Variants in RORA observed in about 807,000 individuals in gnomAD.
RORA encodes the protein RAR related orphan receptor A, also known as nuclear receptor ROR-alpha.
In RORA, 7 loss-of-function variants were observed where a neutral mutation model predicts 69.5. That is an observed-to-expected ratio of 0.10 (90% CI 0.06 to 0.19). The LOEUF (loss-of-function observed/expected upper bound fraction) is 0.19, where lower values mean the gene tolerates loss of function less well. RORA is among the 10% of genes least tolerant of loss of function. The pLI is 1.00. For missense variants in RORA, 457 were observed against 663.0 expected (o/e 0.69, Z 3.41); for synonymous variants, 261 against 240.8 (o/e 1.08, Z -0.78).
At chr15:60,641,234 G>A (rs1371064397) in intron 2 of RORA, among the ~76,000 whole-genome samples, 2 of 152,162 alleles carry the variant, frequency 1.3e-5, no homozygotes, top group Non-Finnish European at 2.9e-5. Context: ...TTACAGGCAA[G>A]AGCCACCACA....
chr15:60,723,559 A>G (rs2071319754), intron 1 of RORA, among the ~76,000 whole-genome samples: 1 of 152,184 alleles, frequency 6.6e-6, no homozygotes. Flanking sequence ...CCCCCTAAAT[A>G]AAATAAACAA....
intron 1 of RORA, among the ~76,000 whole-genome samples, chr15:61,142,178 T>C (rs1023051791): frequency 6.6e-6 from 1 of 152,116 alleles, no homozygotes; most frequent in Non-Finnish European, 1.5e-5. Context: ...ACCCTGAATA[T>C]CTCTAGGATT....
At chr15:60,703,700 T>C (rs1266451260) in intron 1 of RORA, among the ~76,000 whole-genome samples, 1 of 152,168 alleles carries the variant, frequency 6.6e-6, no homozygotes, top group Non-Finnish European at 1.5e-5. Context: ...CCAGCTCACA[T>C]CACACATCCT....
chr15:61,082,668 T>C (rs1297898328), intron 1 of RORA, among the ~76,000 whole-genome samples: 1 of 152,168 alleles, frequency 6.6e-6, no homozygotes, highest in Non-Finnish European at 1.5e-5. Flanking sequence ...ATGGCTGCAG[T>C]TCTTCATTGG....
chr15:61,205,358 G>C (rs1024036779), intron 1 of RORA, among the ~76,000 whole-genome samples: 6 of 152,156 alleles, frequency 3.9e-5, no homozygotes, highest in Non-Finnish European at 5.9e-5. Flanking sequence ...GGGTCCTGCC[G>C]TGTCATAAAC....
intron 1 of RORA, among the ~76,000 whole-genome samples, chr15:60,977,909 C>T (rs1476865998): frequency 1.3e-5 from 2 of 152,098 alleles, no homozygotes; most frequent in Non-Finnish European, 2.9e-5. Flanking sequence ...ACAAATAATA[C>T]TGCTATAAAT....
At position 60,826,466 on chromosome 15, in the gene RORA, G is replaced by A. The variant is rs117801117; in HGVS notation, c.167-147780C>T. ...CAGAGAGGGCCCTTGCTATCACTGA[G>A]GACTATTCAGGGACTGAGGCAGCCC... On this transcript the variant is annotated intron_variant, in intron 1 of 10. Coordinates refer to ENST00000335670, the MANE Select transcript of RORA (RefSeq NM_134261.3). 4.0e-3 allele frequency among the ~76,000 whole-genome samples: 606 copies of A among 152,274 alleles called. 2 individuals are homozygous for A. In the Middle Eastern group the frequency reaches 0.054, roughly 14 times the overall value.
chr15:61,056,126 G>A (rs1488149127), intron 1 of RORA, among the ~76,000 whole-genome samples: 1 of 152,184 alleles, frequency 6.6e-6, no homozygotes, highest in African/African-American at 2.4e-5. Context: ...GCAGATTAAA[G>A]AAAAGAGCTA....
chr15:61,077,116 G>T (rs944562944), intron 1 of RORA, among the ~76,000 whole-genome samples: 8 of 151,856 alleles, frequency 5.3e-5, no homozygotes, highest in Non-Finnish European at 1.2e-4. Context: ...TAAGTAGAAT[G>T]ATACCTCCTT....
At chr15:60,720,453 G>A (rs1324153863) in intron 1 of RORA, among the ~76,000 whole-genome samples, 1 of 152,246 alleles carries the variant, frequency 6.6e-6, no homozygotes, top group African/African-American at 2.4e-5. Flanking sequence ...AACGAACCCA[G>A]TCACCTTTTA....
chr15:60,543,289 G>A (rs770922282), intron 2 of RORA, among the ~76,000 whole-genome samples: 11 of 139,304 alleles, frequency 7.9e-5, no homozygotes, highest in Non-Finnish European at 1.4e-4. Context: ...AGAGTCTGGG[G>A]TTGAATCTCT....
chr15:60,919,372 A>G (rs1277881010), intron 1 of RORA, among the ~76,000 whole-genome samples: 2 of 152,242 alleles, frequency 1.3e-5, no homozygotes, highest in African/African-American at 4.8e-5. Context: ...CCAATGTCAC[A>G]AAGCAGATAA....
At chr15:61,101,836 G>A (rs1044364596) in intron 1 of RORA, among the ~76,000 whole-genome samples, 19 of 152,188 alleles carry the variant, frequency 1.2e-4, no homozygotes, top group Admixed American at 1.1e-3. Flanking sequence ...GACCTGGACC[G>A]GGTGGGGACA....
intron 2 of RORA, among the ~76,000 whole-genome samples, chr15:60,533,993 C>T (rs1423194478): frequency 6.6e-6 from 1 of 152,176 alleles, no homozygotes; most frequent in Non-Finnish European, 1.5e-5. Context: ...TGAGGGAGAT[C>T]AAGCATGTCT....
chr15:60,696,353 T>G (rs1313731412), intron 1 of RORA, among the ~76,000 whole-genome samples: 1 of 152,074 alleles, frequency 6.6e-6, no homozygotes, highest in Non-Finnish European at 1.5e-5. Context: ...CCCACTTTCT[T>G]TCCACTTAGG....
At chr15:61,090,781 T>G (rs947243122) in intron 1 of RORA, among the ~76,000 whole-genome samples, 1 of 152,180 alleles carries the variant, frequency 6.6e-6, no homozygotes, top group Non-Finnish European at 1.5e-5. Context: ...GGTCTCCAGC[T>G]ACCATGTCAC....
chr15:60,528,462 A>T (rs1046282681), intron 3 of RORA: 2 of 152,192 alleles, frequency 1.3e-5, no homozygotes, highest in African/African-American at 2.4e-5. Flanking sequence ...CATCTCTACA[A>T]CTAGACCATA....
At position 60,497,260 on chromosome 15, in the gene RORA, T is replaced by A. The variant is rs199530153; in HGVS notation, c.*195A>T. 2.6e-5 allele frequency: 14 copies of A among 544,822 alleles called. No homozygotes were observed. Among genetic ancestry groups the A allele is most frequent in the Non-Finnish European group, 4.5e-5 (14 of 308,788 alleles). The allele number at this position is 544,822 out of a possible 1,614,324, so 33.7% of individuals were successfully genotyped here. ...ATCTGTAGGCATAATGGAAATCATA[T>A]GCATGAGAAAAACAAGTTCAACTTT... On this transcript the variant is annotated 3_prime_UTR_variant, in exon 11 of 11. Coordinates refer to ENST00000335670, the MANE Select transcript of RORA (RefSeq NM_134261.3).
intron 1 of RORA, among the ~76,000 whole-genome samples, chr15:60,918,915 T>G (rs1017661935): frequency 6.6e-6 from 1 of 152,204 alleles, no homozygotes. Context: ...AAGCCCGTGC[T>G]TGAGCTAAGG....
Sources: gnomAD v4.1 joint callset for allele counts (sites outside exome capture counted in the v4.1 genomes callset) on GRCh38, gnomAD v4.1.1 for gene constraint, MANE v1.5 for transcripts, NCBI Gene and HGNC (gene_info 2026-07-23, HGNC 2026-07-21) for gene names.